Variants in SATB1 observed in about 807,000 individuals in gnomAD.
The protein encoded by SATB1 is DNA-binding protein SATB1.
A neutral mutation model predicts 86.9 loss-of-function variants in SATB1; 11 were observed. That is an observed-to-expected ratio of 0.13 (90% CI 0.08 to 0.21). The LOEUF (loss-of-function observed/expected upper bound fraction) is 0.21. SATB1 is among the 10% of genes least tolerant of loss of function. The pLI is 1.00. For missense variants in SATB1, 551 were observed against 937.6 expected (o/e 0.59, Z 5.39); for synonymous variants, 357 against 357.2 (o/e 1.00, Z 0.01).
Position 18,349,237 on chromosome 3 carries a change from GA to G in SATB1, c.2224del (p.Ser742GlnfsTer2). ...VQDKNTNTLF[S>X]VKLEEELSVE... ...TGACAGCTCTTCTTCTAGTTTCACT[GA>G]AAAAAGGGTGTTAGTATTTTTATCT... On this transcript the variant is annotated frameshift_variant, in exon 11 of 11. Transcript: ENST00000338745. LOFTEE classifies it high-confidence loss of function. The surrounding 1 kb of genome is among the most constrained non-coding windows in gnomAD (Gnocchi z 5.5). 6.2e-7 allele frequency: 1 copy of G among 1,614,022 alleles called. No homozygotes were observed. Among genetic ancestry groups the G allele is most frequent in the Non-Finnish European group, 8.5e-7 (1 of 1,179,990 alleles).
intron 8 of SATB1, among the ~76,000 whole-genome samples, chr3:18,382,618 T>C (rs905557625): frequency 3.9e-5 from 6 of 152,154 alleles, no homozygotes; most frequent in Admixed American, 1.3e-4. Context: ...GAGGACTGGG[T>C]TCTCCCAGAT....
At chr3:18,412,906 T>C (rs1284066372) in intron 5 of SATB1, among the ~76,000 whole-genome samples, 3 of 152,112 alleles carry the variant, frequency 2.0e-5, no homozygotes, top group Non-Finnish European at 2.9e-5. Context: ...AAATATAAAA[T>C]AAGTACCTCA....
chr3:18,393,573 G>T (rs1696803161), intron 7 of SATB1, among the ~76,000 whole-genome samples: 1 of 152,134 alleles, frequency 6.6e-6, no homozygotes, highest in Non-Finnish European at 1.5e-5. Context: ...ACCTTCACAG[G>T]AATTGGGCCA....
At position 18,358,620 on chromosome 3, in the gene SATB1, A is replaced by C. The variant is rs117317141; in HGVS notation, c.1576-6425T>G. 2.9e-4 allele frequency among the ~76,000 whole-genome samples: 44 copies of C among 152,064 alleles called. No individual in the cohort carries two copies. In the East Asian group the frequency reaches 8.5e-3, roughly 29 times the overall value. On this transcript the variant is annotated intron_variant, in intron 9 of 10. Coordinates refer to ENST00000338745, the MANE Select transcript of SATB1 (RefSeq NM_002971.6). ...ATTCTAAAAGTAGCACATTACATCC[A>C]CTTGATTCAAAGACGGGTTTTAAAA...
At chr3:18,432,466 G>T (rs1229003248) in intron 2 of SATB1, among the ~76,000 whole-genome samples, 1 of 152,110 alleles carries the variant, frequency 6.6e-6, no homozygotes, top group African/African-American at 2.4e-5. Context: ...GGCAACATCA[G>T]CCAAAGGCAA....
At chr3:18,385,882 A>G (rs1018328241) in intron 8 of SATB1, among the ~76,000 whole-genome samples, 30 of 152,304 alleles carry the variant, frequency 2.0e-4, no homozygotes, top group African/African-American at 7.0e-4. Context: ...TATGGATAGA[A>G]TTCCTTATCA....
At chr3:18,415,301 AAGAC>A (rs902766516) in intron 4 of SATB1, 67 bp from the exon 5 acceptor site, 63 of 1,577,234 alleles carry the variant, frequency 4.0e-5, no homozygotes, top group South Asian at 2.3e-5. Flanking sequence ...ACATTCCTTT[AAGAC>A]AGACAGATTT....
intron 9 of SATB1, among the ~76,000 whole-genome samples, chr3:18,367,027 G>A (rs554891506): frequency 4.6e-5 from 7 of 152,286 alleles, no homozygotes; most frequent in Admixed American, 3.9e-4. Flanking sequence ...TTTAAGGGAC[G>A]TTAGATATAA....
At position 18,352,290 on chromosome 3, in the gene SATB1, T is replaced by A. The variant is rs1478678202; in HGVS notation, c.1576-95A>T. The A allele has an allele frequency of 1.9e-6, 2 of 1,063,118 alleles. No homozygotes were observed. The highest frequency in any genetic ancestry group is 2.8e-6 in the Non-Finnish European group (2 of 713,528). The allele number at this position is 1,063,118 out of a possible 1,614,324, so 65.9% of individuals were successfully genotyped here. A position where few individuals can be genotyped will look rare whatever the true frequency, so the allele number is the denominator to read the frequency against. ...AAAAGGAAAAACCCTATGAATTAAC[T>A]TTTTCATAAGCTCAGAACACACCAT... On this transcript the variant is annotated intron_variant, in intron 9 of 10. Coordinates refer to ENST00000338745, the MANE Select transcript of SATB1 (RefSeq NM_002971.6). The surrounding 1 kb of genome is among the most constrained non-coding windows in gnomAD (Gnocchi z 4.1).
chr3:18,366,159 A>C (rs1043274651), intron 9 of SATB1, among the ~76,000 whole-genome samples: 1 of 152,206 alleles, frequency 6.6e-6, no homozygotes, highest in Non-Finnish European at 1.5e-5. Context: ...GTAAACATTT[A>C]AACGCGACAT....
chr3:18,439,274 T>G (rs1030280852), upstream of SATB1, among the ~76,000 whole-genome samples: 1 of 152,228 alleles, frequency 6.6e-6, no homozygotes, highest in African/African-American at 2.4e-5. Flanking sequence ...ATTTCGCTTC[T>G]GAACTTTCAA....
At chr3:18,373,424 T>G (rs546858834) in intron 9 of SATB1, among the ~76,000 whole-genome samples, 2 of 152,246 alleles carry the variant, frequency 1.3e-5, no homozygotes, top group Non-Finnish European at 2.9e-5. Context: ...GAATAAAAGA[T>G]GCCTTCACTA....
At position 18,349,549 on chromosome 3, in the gene SATB1, T is replaced by C. The variant is rs1694238680; in HGVS notation, c.1913A>G (p.Asp638Gly). 6.2e-7 allele frequency: 1 copy of C among 1,614,076 alleles called. No homozygotes were observed. The highest frequency in any genetic ancestry group is 1.7e-4 in the Middle Eastern group (1 of 5,978). ...QPTVASPAES[D>G]EENRQKTRPR... Reference sequence around the variant, plus strand: ...CCGGGTCTTCTGTCGGTTTTCCTCATCTGACTCTGCTGGAGAGGCCACCGT... The same window carrying C: ...CCGGGTCTTCTGTCGGTTTTCCTCACCTGACTCTGCTGGAGAGGCCACCGT... Residue 638 changes from aspartate to glycine, a missense_variant, in exon 11 of 11, where the codon GAT becomes GGT. Coordinates refer to ENST00000338745, the MANE Select transcript of SATB1 (RefSeq NM_002971.6). The surrounding 1 kb of genome is among the most constrained non-coding windows in gnomAD (Gnocchi z 5.5).
At chr3:18,363,142 G>C (rs1277919311) in intron 9 of SATB1, among the ~76,000 whole-genome samples, 1 of 152,032 alleles carries the variant, frequency 6.6e-6, no homozygotes, top group African/African-American at 2.4e-5. Flanking sequence ...TGATGTTTTA[G>C]GAGAGATAAC....
chr3:18,415,222 T>C lies in SATB1; in HGVS notation c.528A>G (p.Leu176=), dbSNP rs1227688525. 32 of 1,612,764 alleles carry C rather than the reference T, an allele frequency of 2.0e-5. No individual in the cohort carries two copies. The highest frequency in any genetic ancestry group is 4.5e-5 in the East Asian group (2 of 44,866). ...ACCATTGTTCGGGAGGCAAGTCTTC[T>C]AGTTTGGGGCAACTATTTGAGACAT... ...LKIQLHSCPK[L]EDLPPEQWSH... The change falls in exon 5 of 11, where the codon CTA becomes CTG. Residue 176 remains leucine, a synonymous_variant. Transcript: ENST00000338745.
At position 18,381,588 on chromosome 3, in the gene SATB1, A is replaced by C. The variant is rs115008318; in HGVS notation, c.1420-3263T>G. Among the ~76,000 whole-genome samples, 1,154 of 152,326 alleles carry C rather than the reference A, an allele frequency of 7.6e-3. 14 individuals are homozygous for C. The highest frequency in any genetic ancestry group is 0.026 in the African/African-American group (1,093 of 41,572). On this transcript the variant is annotated intron_variant, in intron 8 of 10. Transcript: ENST00000338745. ...TAACTAGAAACCCAAAGTTATTTAGAGTTCATGACATTACCTGCACCTTCT... is the reference window on the plus strand; with the variant it reads ...TAACTAGAAACCCAAAGTTATTTAGCGTTCATGACATTACCTGCACCTTCT...
At position 18,352,055 on chromosome 3, in the gene SATB1, G is replaced by A. The variant is rs780251058; in HGVS notation, c.1716C>T (p.Asn572=). The part of the protein sequence containing the change: ...ERDAIYEQES[N]AVHHHGDRPP... The stretch of plus-strand genomic sequence containing the variant: ...GCCTGTCGCCATGGTGATGCACCGC[G>A]TTGCTCTCCTGTTCATAAATGGCAT... Residue 572 remains asparagine (N), a synonymous_variant, in exon 10 of 11, where the codon AAC becomes AAT. Coordinates refer to ENST00000338745, the MANE Select transcript of SATB1 (RefSeq NM_002971.6). The surrounding 1 kb of genome is among the most constrained non-coding windows in gnomAD (Gnocchi z 4.1). 6.2e-6 allele frequency: 10 copies of A among 1,614,112 alleles called. No individual in the cohort carries two copies. Among genetic ancestry groups the A allele is most frequent in the South Asian group, 3.3e-5 (3 of 91,090 alleles).
In SATB1 at chr3:18,420,842, T is replaced by A. The variant is rs1282720149; in HGVS notation, c.126A>T (p.Arg42Ser). 6.2e-7 allele frequency: 1 copy of A among 1,614,214 alleles called. No individual in the cohort carries two copies. Among genetic ancestry groups the A allele is most frequent in the Non-Finnish European group, 8.5e-7 (1 of 1,180,040 alleles). ...TTGCACCTGTACTCCCAAGCCTTCC[T>A]CTTCCTAGCGGGCTCCCGTTCTGCT... is the stretch of plus-strand genomic sequence containing the variant. Reference protein sequence around the residue: ...RLEQNGSPLGRGRLGSTGAKM... With the variant: ...RLEQNGSPLGSGRLGSTGAKM... The change falls in exon 2 of 11, where the codon AGA becomes AGT. Residue 42 changes from arginine to serine, a missense_variant. Arg to Ser is a moderately radical substitution (Grantham distance 110, BLOSUM62 -1). This residue lies in a region of SATB1 where 153 missense variants were observed against 258.1 expected (regional missense o/e 0.59). Transcript: ENST00000338745.
intron 5 of SATB1, among the ~76,000 whole-genome samples, chr3:18,403,266 ATTTT>A (rs887380041): frequency 6.6e-6 from 1 of 151,610 alleles, no homozygotes; most frequent in South Asian, 2.1e-4. Flanking sequence ...TGCTAAAGAG[ATTTT>A]TTTTTCTTTT....
Sources: gnomAD v4.1 joint callset for allele counts (sites outside exome capture counted in the v4.1 genomes callset) on GRCh38, gnomAD v4.1.1 for gene constraint, gnomAD v4.1.1 regional missense constraint, Gnocchi (gnomAD v3.1) non-coding constraint, MANE v1.5 for transcripts, NCBI Gene and HGNC (gene_info 2026-07-23, HGNC 2026-07-21) for gene names.